The following CD163L1 variants were observed in gnomAD, a reference collection of about 807,000 sequenced individuals.
CD163L1 encodes scavenger receptor cysteine-rich type 1 protein M160.
Under a neutral mutation model 165.4 loss-of-function variants are expected in CD163L1, and 124 were observed. That is an observed-to-expected ratio of 0.75 (90% confidence interval 0.65 to 0.87). The LOEUF is 0.87. CD163L1 is among the 40% of genes least tolerant of loss of function. The pLI is 0.00. For missense variants in CD163L1, 1,525 were observed against 1,799.9 expected (o/e 0.85, Z 2.76); for synonymous variants, 585 against 662.2 (o/e 0.88, Z 1.79).
intron 4 of CD163L1, among the ~76,000 whole-genome samples, chr12:7,421,502 CAT>C (rs1159076179): frequency 2.8e-5 from 2 of 72,522 alleles, no homozygotes; most frequent in Non-Finnish European, 4.7e-5. Context: ...CATATATGTA[CAT>C]ATACATATAC....
In CD163L1 at chr12:7,367,326, T is replaced by C. The variant is rs1233359129; in HGVS notation, c.4189A>G (p.Thr1397Ala). ...KQKHLPLRVS[T>A]RRRGSLEENL... ...TCCTCGAGAGAACCCCTCCTTCTGGTTGAAACTGAGAATGGATGCTTCATG... is the reference window on the plus strand; with the variant it reads ...TCCTCGAGAGAACCCCTCCTTCTGGCTGAAACTGAGAATGGATGCTTCATG... The change falls in exon 18 of 20, where the codon ACC (threonine) becomes GCC (alanine). Residue 1397 changes from threonine (T) to alanine (A), a missense_variant. Thr to Ala is a moderately conservative substitution (Grantham distance 58). Transcript: ENST00000313599. 3 of 1,610,014 alleles carry C rather than the reference T, an allele frequency of 1.9e-6. No homozygotes were observed. The highest frequency in any genetic ancestry group is 1.7e-5 in the Admixed American group (1 of 59,978).
chr12:7,415,084 T>A (rs1025510713), intron 4 of CD163L1, among the ~76,000 whole-genome samples: 1 of 152,160 alleles, frequency 6.6e-6, no homozygotes, highest in East Asian at 1.9e-4. Flanking sequence ...AAACAACTTT[T>A]AACATAATTG....
the CD163L1 span, among the ~76,000 whole-genome samples, chr12:7,322,902 T>C: frequency 6.6e-6 from 1 of 152,050 alleles, no homozygotes; most frequent in Non-Finnish European, 1.5e-5. Context: ...AAGGAGTGGT[T>C]TTCAAAGTGT....
intron 4 of CD163L1, among the ~76,000 whole-genome samples, chr12:7,418,712 C>T (rs975659628): frequency 6.6e-6 from 1 of 151,932 alleles, no homozygotes; most frequent in Non-Finnish European, 1.5e-5. Context: ...ACCAATATCA[C>T]AGAAATACAA....
chr12:7,380,335 A>ATACATACATGTATGTGTGTATACG lies in CD163L1; in HGVS notation c.2051-1038_2051-1037insCGTATACACACATACATGTATGTA, dbSNP rs1565784163. On this transcript the variant is annotated intron_variant, in intron 8 of 19. Transcript: ENST00000313599. ...TATACATACATATATGTATGTATAC[A>ATACATACATGTATGTGTGTATACG]CGTATACATACATGTATGTGTGTAT... 5.9e-3 allele frequency among the ~76,000 whole-genome samples: 668 copies of ATACATACATGTATGTGTGTATACG among 112,460 alleles called. 5 individuals carry two copies. Among genetic ancestry groups the ATACATACATGTATGTGTGTATACG allele is most frequent in the East Asian group, 0.016 (62 of 3,902 alleles). 73.8% of individuals were successfully genotyped at this position (112,460 alleles called of 152,430 possible). A position where few individuals can be genotyped will look rare whatever the true frequency, so the allele number is the denominator to read the frequency against.
chr12:7,424,526 A>G (rs2136607481), intron 4 of CD163L1, among the ~76,000 whole-genome samples: 1 of 152,336 alleles, frequency 6.6e-6, no homozygotes, highest in South Asian at 2.1e-4. Context: ...GTATTCAAAT[A>G]GGAAGAGAGG....
chr12:7,364,232 T>C (rs1946964795), intron 18 of CD163L1, among the ~76,000 whole-genome samples: 1 of 152,078 alleles, frequency 6.6e-6, no homozygotes, highest in Admixed American at 6.6e-5. Context: ...TTCATAAAAT[T>C]CAACATCGTT....
intron 5 of CD163L1, among the ~76,000 whole-genome samples, chr12:7,405,554 C>T (rs769981011): frequency 1.5e-4 from 23 of 152,182 alleles, no homozygotes; most frequent in Admixed American, 4.6e-4. Context: ...GCATAAATCC[C>T]GTGGCTAAGG....
At chr12:7,408,710 A>C (rs1948077164) in intron 4 of CD163L1, among the ~76,000 whole-genome samples, 1 of 152,200 alleles carries the variant, frequency 6.6e-6, no homozygotes, top group Admixed American at 6.5e-5. Flanking sequence ...CCTTGGATCT[A>C]GGCATACTCC....
intron 4 of CD163L1, among the ~76,000 whole-genome samples, chr12:7,415,193 A>G (rs1287534936): frequency 6.6e-6 from 1 of 152,162 alleles, no homozygotes; most frequent in Non-Finnish European, 1.5e-5. Context: ...CATAATCAAT[A>G]AAATAAAATA....
Position 7,406,588 on chromosome 12 carries a change from G to A in CD163L1, c.1031C>T (p.Ser344Phe). 6.2e-7 allele frequency: 1 copy of A among 1,614,034 alleles called. No homozygotes were observed. Among genetic ancestry groups the A allele is most frequent in the South Asian group, 1.1e-5 (1 of 91,082 alleles). Reference sequence around the variant, plus strand: ...AAGACAGTCAAAATTGACGGTTCCGGAATGTCTGCAGTCCCAAAGAAAAGA... The same window carrying A: ...AAGACAGTCAAAATTGACGGTTCCGAAATGTCTGCAGTCCCAAAGAAAAGA... ...NESFLWDCRH[S>F]GTVNFDCLHQ... is the part of the protein sequence containing the mutation. The change falls in exon 5 of 20, where the codon TCC becomes TTC. Residue 344 changes from serine (S) to phenylalanine (F), a missense_variant. Coordinates refer to ENST00000313599, the MANE Select transcript of CD163L1 (RefSeq NM_174941.6).
At chr12:7,420,096 T>G (rs1044415875) in intron 4 of CD163L1, among the ~76,000 whole-genome samples, 1 of 151,494 alleles carries the variant, frequency 6.6e-6, no homozygotes, top group African/African-American at 2.4e-5. Flanking sequence ...AACAAAAACA[T>G]AAAGTGGGGA....
Position 7,357,399 on chromosome 12 carries a change from TA to T in CD163L1, c.*4del. 1 of 1,612,160 alleles carries T rather than the reference TA, an allele frequency of 6.2e-7. No individual in the cohort carries two copies. The highest frequency in any genetic ancestry group is 8.5e-7 in the Non-Finnish European group (1 of 1,178,602). On this transcript the variant is annotated 3_prime_UTR_variant, in exon 19 of 20. Coordinates refer to ENST00000313599, the MANE Select transcript of CD163L1 (RefSeq NM_174941.6). The stretch of plus-strand genomic sequence containing the variant: ...ACTTACCTGGTGAGCCCTGGAAGTC[TA>T]AAGTCATTTTGTGGCTTCAGAGGCA...
At chr12:7,322,093 G>A in the CD163L1 span, among the ~76,000 whole-genome samples, 1 of 152,148 alleles carries the variant, frequency 6.6e-6, no homozygotes, top group Admixed American at 6.5e-5. Context: ...ATCAATATTA[G>A]CTGTTATATC....
the CD163L1 span, among the ~76,000 whole-genome samples, chr12:7,329,739 T>C: frequency 6.6e-6 from 1 of 152,062 alleles, no homozygotes; most frequent in Non-Finnish European, 1.5e-5. Context: ...TCAGTAAAAA[T>C]AAATAGTTGA....
At chr12:7,380,645 T>C (rs1000924751) in intron 8 of CD163L1, among the ~76,000 whole-genome samples, 1 of 151,390 alleles carries the variant, frequency 6.6e-6, no homozygotes, top group Non-Finnish European at 1.5e-5. Context: ...GTACGAGGGG[T>C]TTGAGGAAGA....
At position 7,373,474 on chromosome 12, in the gene CD163L1, G is replaced by C; in HGVS notation, c.3576C>G (p.Val1192=). 1 of 1,614,206 alleles carries C rather than the reference G, an allele frequency of 6.2e-7. No individual in the cohort carries two copies. The stretch of plus-strand genomic sequence containing the variant: ...CTGTCTTAGATAAAGGGGCGAGGCT[G>C]ACAACTCCATTCTCCCCACAGCCCA... ...RQLGCGENGV[V]SLAPLSKTGS... is the part of the protein sequence containing the mutation. The change falls in exon 14 of 20, where the codon GTC becomes GTG. Residue 1192 remains valine (V), a synonymous_variant. Coordinates refer to ENST00000313599, the MANE Select transcript of CD163L1 (RefSeq NM_174941.6).
intron 8 of CD163L1, among the ~76,000 whole-genome samples, chr12:7,385,228 G>C (rs1947491425): frequency 6.8e-6 from 1 of 148,010 alleles, no homozygotes; most frequent in Non-Finnish European, 1.5e-5. Context: ...ATCAGATAAA[G>C]TGAACTTTAA....
intron 4 of CD163L1, among the ~76,000 whole-genome samples, chr12:7,411,728 G>A (rs1027176266): frequency 1.3e-5 from 2 of 152,100 alleles, no homozygotes; most frequent in East Asian, 3.8e-4. Context: ...TCCAGTCTCC[G>A]GTATTCCTTC....
Sources: allele counts gnomAD v4.1 joint callset (sites outside exome capture counted in the v4.1 genomes callset), GRCh38; gene constraint gnomAD v4.1.1; transcripts MANE v1.5; gene names NCBI Gene and HGNC (gene_info 2026-07-23, HGNC 2026-07-21).